The following THEMIS variants were observed in gnomAD, a reference collection of about 807,000 sequenced individuals.
The protein encoded by THEMIS is protein THEMIS.
Under a neutral mutation model 52.6 loss-of-function variants are expected in THEMIS, and 37 were observed. The ratio of observed to expected loss-of-function variants is 0.70; its 90% CI spans 0.54 to 0.93. THEMIS has a LOEUF of 0.93. THEMIS is among the 40% of genes least tolerant of loss of function. THEMIS has a pLI of 0.00. For missense variants in THEMIS, 808 were observed against 763.1 expected, an observed-to-expected ratio of 1.06 and a Z score of -0.69; for synonymous variants, 292 against 272.7, an observed-to-expected ratio of 1.07 and a Z score of -0.70.
chr6:127,832,364 T>A (rs1778724300), intron 2 of THEMIS, among the ~76,000 whole-genome samples: 1 of 152,150 alleles, frequency 6.6e-6, no homozygotes, highest in South Asian at 2.1e-4. Context: ...AGTGGCACAA[T>A]ATAGGAAAAA....
chr6:127,804,152 A>G (rs2114573021), intron 4 of THEMIS, among the ~76,000 whole-genome samples: 1 of 152,292 alleles, frequency 6.6e-6, no homozygotes. Context: ...TTGAACATTA[A>G]GAGTTAAGGG....
intron 4 of THEMIS, among the ~76,000 whole-genome samples, chr6:127,740,578 G>A (rs1244699035): frequency 1.3e-5 from 2 of 152,146 alleles, no homozygotes; most frequent in African/African-American, 4.8e-5. Flanking sequence ...CCATATATAA[G>A]TCCAGGCTTG....
intron 4 of THEMIS, among the ~76,000 whole-genome samples, chr6:127,744,838 C>T (rs1243033049): frequency 6.6e-6 from 1 of 151,772 alleles, no homozygotes; most frequent in East Asian, 1.9e-4. Flanking sequence ...TACTTACACA[C>T]ACATACACAC....
At chr6:127,730,492 GA>G (rs1774753426) in intron 4 of THEMIS, among the ~76,000 whole-genome samples, 1 of 147,092 alleles carries the variant, frequency 6.8e-6, no homozygotes, top group African/African-American at 2.5e-5. Context: ...AAGAAAGAAA[GA>G]AAGAAATGAA....
chr6:127,837,623 CAT>C (rs1044494461), intron 2 of THEMIS, among the ~76,000 whole-genome samples: 8 of 150,992 alleles, frequency 5.3e-5, no homozygotes, highest in African/African-American at 9.7e-5. Flanking sequence ...TATATGTATG[CAT>C]ATATATATAT....
intron 2 of THEMIS, among the ~76,000 whole-genome samples, chr6:127,839,510 T>C (rs974111068): frequency 3.9e-5 from 6 of 152,006 alleles, no homozygotes; most frequent in Non-Finnish European, 7.4e-5. Context: ...TTTTTTTAAT[T>C]TTCAATTTGT....
intron 1 of THEMIS, among the ~76,000 whole-genome samples, chr6:127,863,896 A>G (rs1779888960): frequency 6.6e-6 from 1 of 152,206 alleles, no homozygotes; most frequent in Admixed American, 6.6e-5. Context: ...GAAAAAGTAC[A>G]AATGTCTTAA....
At chr6:127,852,729 A>G (rs1449709875) in intron 2 of THEMIS, among the ~76,000 whole-genome samples, 2 of 151,540 alleles carry the variant, frequency 1.3e-5, no homozygotes, top group Admixed American at 6.6e-5. Flanking sequence ...TTTGATTTCT[A>G]TCTTTCTCCT....
intron 2 of THEMIS, among the ~76,000 whole-genome samples, chr6:127,843,416 T>A (rs1355782166): frequency 6.6e-6 from 1 of 151,980 alleles, no homozygotes; most frequent in African/African-American, 2.4e-5. Context: ...CTACTTGAAT[T>A]TGGACAGTCT....
intron 4 of THEMIS, among the ~76,000 whole-genome samples, chr6:127,726,236 A>C (rs1381584848): frequency 6.6e-6 from 1 of 152,138 alleles, no homozygotes; most frequent in Non-Finnish European, 1.5e-5. Context: ...ATCTACCCTG[A>C]ACTTTTCTTG....
intron 1 of THEMIS, among the ~76,000 whole-genome samples, chr6:127,911,259 G>A (rs988615859): frequency 1.3e-5 from 2 of 151,210 alleles, no homozygotes; most frequent in African/African-American, 4.9e-5. Context: ...ACACTTAAAG[G>A]GGAGGAACTT....
intron 4 of THEMIS, among the ~76,000 whole-genome samples, chr6:127,771,118 C>T (rs1005516359): frequency 2.0e-5 from 3 of 152,096 alleles, no homozygotes; most frequent in Non-Finnish European, 4.4e-5. Context: ...CATTCCTGTA[C>T]TCTAATAACA....
chr6:127,742,346 AAAAAAAC>A (rs1442308125), intron 4 of THEMIS, among the ~76,000 whole-genome samples: 2 of 147,718 alleles, frequency 1.4e-5, no homozygotes, highest in African/African-American at 5.1e-5. Context: ...AAAAACAAAC[AAAAAAAC>A]AAAAAAACAA....
At chr6:127,895,006 AT>A (rs955820806) in intron 1 of THEMIS, among the ~76,000 whole-genome samples, 4 of 148,876 alleles carry the variant, frequency 2.7e-5, no homozygotes, top group East Asian at 1.9e-4. Flanking sequence ...TATGAAAAAA[AT>A]GTATATATAA....
In THEMIS at chr6:127,866,949, T is replaced by TTTTATTTATTTATTTA. The variant is rs10627698; in HGVS notation, c.92-11777_92-11762dup. 3.0e-3 allele frequency among the ~76,000 whole-genome samples: 436 copies of TTTTATTTATTTATTTA among 145,772 alleles called. 5 individuals carry two copies. Among genetic ancestry groups the TTTTATTTATTTATTTA allele is most frequent in the Admixed American group, 0.019 (272 of 14,552 alleles). ...AAGGCTACTAAGATTTTTATTTTTA[T>TTTTATTTATTTATTTA]TTTATTTATTTATTTATTTATTTAT... On this transcript the variant is annotated intron_variant, in intron 1 of 5. Coordinates refer to ENST00000368248, the MANE Select transcript of THEMIS (RefSeq NM_001010923.3).
chr6:127,816,660 A>G (rs1036179098), intron 3 of THEMIS, among the ~76,000 whole-genome samples: 1 of 152,162 alleles, frequency 6.6e-6, no homozygotes, highest in Non-Finnish European at 1.5e-5. Flanking sequence ...TCTAACCGGT[A>G]TCCTTGCAGT....
In THEMIS at chr6:127,829,888, T is replaced by C. The variant is rs1778642302; in HGVS notation, c.297A>G (p.Glu99=). 6.2e-7 allele frequency: 1 copy of C among 1,613,824 alleles called. No individual in the cohort carries two copies. Among genetic ancestry groups the C allele is most frequent in the African/African-American group, 1.3e-5 (1 of 74,914 alleles). The part of the protein sequence containing the change: ...VADKTPYLTM[E]EITRTIHIGP... ...CAATATGAATGGTCCTTGTGATTTCTTCCATAGTAAGGTATGGAGTTTTAT... is the reference window on the plus strand; with the variant it reads ...CAATATGAATGGTCCTTGTGATTTCCTCCATAGTAAGGTATGGAGTTTTAT... The change falls in exon 3 of 6, where the codon GAA becomes GAG. Residue 99 remains glutamate, a synonymous_variant. Coordinates refer to ENST00000368248, the MANE Select transcript of THEMIS (RefSeq NM_001010923.3).
chr6:127,728,760 C>T (rs1168129203), intron 4 of THEMIS, among the ~76,000 whole-genome samples: 1 of 151,738 alleles, frequency 6.6e-6, no homozygotes, highest in African/African-American at 2.4e-5. Flanking sequence ...GAACCAATAA[C>T]AAATACATCA....
intron 1 of THEMIS, among the ~76,000 whole-genome samples, chr6:127,878,727 TAATA>T (rs1780389294): frequency 6.6e-6 from 1 of 152,198 alleles, no homozygotes; most frequent in South Asian, 2.1e-4. Context: ...CTCAATAAAT[TAATA>T]AATAGAAATT....
Sources: allele counts gnomAD v4.1 joint callset (sites outside exome capture counted in the v4.1 genomes callset), GRCh38; gene constraint gnomAD v4.1.1; transcripts MANE v1.5; gene names NCBI Gene and HGNC (gene_info 2026-07-23, HGNC 2026-07-21).